RPS6KC1: variants seen among roughly 807,000 people sequenced by gnomAD.
RPS6KC1 encodes the protein ribosomal protein S6 kinase C1.
Under a neutral mutation model 103.8 loss-of-function variants are expected in RPS6KC1, and 54 were observed. The observed-to-expected ratio is 0.52, with a 90% CI of 0.42 to 0.65. The LOEUF (loss-of-function observed/expected upper bound fraction) is 0.65, where lower values mean the gene tolerates loss of function less well. Among genes scored for constraint, RPS6KC1 ranks in the 30% least tolerant of loss-of-function variants. The pLI is 0.00. For synonymous variants in RPS6KC1, 439 were observed against 438.7 expected (o/e 1.00, Z -0.01); for missense variants, 1,151 against 1,253.8 (o/e 0.92, Z 1.24).
chr1:213,573,286 T>C, the RPS6KC1 span, among the ~76,000 whole-genome samples: 906 of 152,234 alleles, frequency 6.0e-3, 9 homozygotes, highest in African/African-American at 0.017. Context: ...GACACCTGGG[T>C]TTTGCCACAT....
chr1:213,248,125 G>A (rs1321226034), intron 12 of RPS6KC1, among the ~76,000 whole-genome samples: 1 of 152,074 alleles, frequency 6.6e-6, no homozygotes, highest in African/African-American at 2.4e-5. Flanking sequence ...TTTTAAGAAT[G>A]TAAGATTGAT....
chr1:213,367,185 C>G, the RPS6KC1 span, among the ~76,000 whole-genome samples: 1 of 152,318 alleles, frequency 6.6e-6, no homozygotes, highest in South Asian at 2.1e-4. Flanking sequence ...GGATTGTAGC[C>G]TCCTTTGTTC....
At chr1:213,639,934 C>G in the RPS6KC1 span, among the ~76,000 whole-genome samples, 1 of 150,952 alleles carries the variant, frequency 6.6e-6, no homozygotes, top group Non-Finnish European at 1.5e-5. Context: ...GAAAGTATTC[C>G]TCTTCTATTT....
the RPS6KC1 span, among the ~76,000 whole-genome samples, chr1:213,618,761 G>T: frequency 6.6e-6 from 1 of 152,184 alleles, no homozygotes; most frequent in African/African-American, 2.4e-5. Context: ...TTAAACCTTG[G>T]CAGGGGAAAA....
At chr1:213,436,400 A>G in the RPS6KC1 span, among the ~76,000 whole-genome samples, 1 of 152,210 alleles carries the variant, frequency 6.6e-6, no homozygotes, top group Non-Finnish European at 1.5e-5. Context: ...ATTTTACAAA[A>G]AGTACCTGGG....
chr1:213,392,860 A>C, the RPS6KC1 span, among the ~76,000 whole-genome samples: 1 of 152,240 alleles, frequency 6.6e-6, no homozygotes, highest in South Asian at 2.1e-4. Flanking sequence ...TGGTCAGTTA[A>C]ATCATTTCCA....
At chr1:213,635,013 A>G in the RPS6KC1 span, among the ~76,000 whole-genome samples, 1 of 152,198 alleles carries the variant, frequency 6.6e-6, no homozygotes, top group Non-Finnish European at 1.5e-5. Context: ...AATAAACTAG[A>G]AAATCTAGAA....
At chr1:213,685,469 A>G in the RPS6KC1 span, among the ~76,000 whole-genome samples, 1 of 152,076 alleles carries the variant, frequency 6.6e-6, no homozygotes, top group African/African-American at 2.4e-5. Context: ...CCTCTCTACT[A>G]AAAATACAAA....
chr1:213,423,757 G>A, the RPS6KC1 span, among the ~76,000 whole-genome samples: 52 of 152,172 alleles, frequency 3.4e-4, no homozygotes, highest in African/African-American at 1.2e-3. Context: ...AGCCTTGGAG[G>A]GGGAGCGGCA....
At chr1:213,775,979 C>T in the RPS6KC1 span, among the ~76,000 whole-genome samples, 2 of 152,186 alleles carry the variant, frequency 1.3e-5, no homozygotes, top group Non-Finnish European at 2.9e-5. Context: ...CCATAAGAAG[C>T]AACTCCTCTT....
At chr1:213,402,435 T>G in the RPS6KC1 span, among the ~76,000 whole-genome samples, 871 of 151,954 alleles carry the variant, frequency 5.7e-3, 17 homozygotes, top group African/African-American at 0.02. Flanking sequence ...TTAGGCTTTG[T>G]CTAGCACCCA....
the RPS6KC1 span, among the ~76,000 whole-genome samples, chr1:213,556,586 T>A: frequency 6.6e-6 from 1 of 152,260 alleles, no homozygotes; most frequent in Non-Finnish European, 1.5e-5. Context: ...TAAGCAGTTA[T>A]CCTTGCCTGA....
the RPS6KC1 span, among the ~76,000 whole-genome samples, chr1:213,466,478 G>A: frequency 6.6e-6 from 1 of 152,200 alleles, no homozygotes; most frequent in Admixed American, 6.5e-5. Flanking sequence ...CAGTCCTGGG[G>A]TGGCCAGAGG....
At chr1:213,614,633 T>C in the RPS6KC1 span, among the ~76,000 whole-genome samples, 1,490 of 152,326 alleles carry the variant, frequency 9.8e-3, 16 homozygotes, top group Middle Eastern at 0.031. Context: ...CTTTATTTCT[T>C]GGTTTCCTAT....
At chr1:213,179,046 A>G (rs1573045759) in intron 8 of RPS6KC1, among the ~76,000 whole-genome samples, 1 of 152,100 alleles carries the variant, frequency 6.6e-6, no homozygotes, top group Non-Finnish European at 1.5e-5. Flanking sequence ...AGATAAGGGA[A>G]TATGTATTTG....
chr1:213,793,092 C>T, the RPS6KC1 span, among the ~76,000 whole-genome samples: 1 of 152,210 alleles, frequency 6.6e-6, no homozygotes. Context: ...TCTCCCTCCT[C>T]CAAGAGAGAT....
chr1:213,223,075 G>C (rs938532176), intron 8 of RPS6KC1, among the ~76,000 whole-genome samples: 1 of 151,488 alleles, frequency 6.6e-6, no homozygotes, highest in East Asian at 1.9e-4. Flanking sequence ...TCTTTCTGTT[G>C]TCATTATTTA....
the RPS6KC1 span, among the ~76,000 whole-genome samples, chr1:213,479,375 T>C: frequency 1.3e-5 from 2 of 152,088 alleles, no homozygotes; most frequent in Non-Finnish European, 2.9e-5. Context: ...GTCATATTCT[T>C]ACCAGTAATT....
At chr1:213,603,774 C>T in the RPS6KC1 span, among the ~76,000 whole-genome samples, 14 of 151,912 alleles carry the variant, frequency 9.2e-5, no homozygotes, top group African/African-American at 2.9e-4. Context: ...GCAGGAGAAT[C>T]GCTTGAACCC....
Sources: gnomAD v4.1 joint callset for allele counts (sites outside exome capture counted in the v4.1 genomes callset) on GRCh38, gnomAD v4.1.1 for gene constraint, MANE v1.5 for transcripts, NCBI Gene and HGNC (gene_info 2026-07-23, HGNC 2026-07-21) for gene names.